CPD: variants seen among roughly 807,000 people sequenced by gnomAD.
The protein encoded by CPD is metallocarboxypeptidase D.
CPD carries 69 observed loss-of-function variants against 138.3 expected under a neutral mutation model. That is an observed-to-expected ratio of 0.50 (90% CI 0.41 to 0.61). The LOEUF is 0.61. Ranked by LOEUF, CPD falls within the 20% of genes least tolerant of loss-of-function variation. CPD has a pLI of 0.00. For synonymous variants in CPD, 651 were observed against 642.1 expected, an observed-to-expected ratio of 1.01 and a Z score of -0.21; for missense variants, 1,432 against 1,733.3, an observed-to-expected ratio of 0.83 and a Z score of 3.09.
At chr17:30,422,649 T>A (rs754930782) in intron 4 of CPD, 25 bp from the exon 5 acceptor site, 1 of 1,509,488 alleles carries the variant, frequency 6.6e-7, no homozygotes, top group Admixed American at 2.0e-5. Flanking sequence ...TATAAACCAT[T>A]TACTTTTTCA....
intron 17 of CPD, among the ~76,000 whole-genome samples, chr17:30,458,865 CA>C (rs60140816): frequency 0.87 from 116,530 of 134,006 alleles, 50,234 homozygotes; most frequent in African/African-American, 0.94. Flanking sequence ...GACCCTGTCT[CA>C]AAAAAAAAAA....
intron 2 of CPD, among the ~76,000 whole-genome samples, chr17:30,414,795 A>G (rs1912063184): frequency 6.6e-6 from 1 of 152,202 alleles, no homozygotes; most frequent in Non-Finnish European, 1.5e-5. Context: ...TGAAAGTGCC[A>G]TTAACTGCAG....
intron 2 of CPD, among the ~76,000 whole-genome samples, chr17:30,387,420 A>G (rs536987132): frequency 3.0e-4 from 45 of 152,324 alleles, no homozygotes; most frequent in Admixed American, 2.5e-3. Flanking sequence ...CCTGGCAAGA[A>G]TTGTTAATAC....
At chr17:30,415,896 C>T (rs1171321066) in intron 2 of CPD, among the ~76,000 whole-genome samples, 2 of 152,180 alleles carry the variant, frequency 1.3e-5, no homozygotes, top group Non-Finnish European at 2.9e-5. Flanking sequence ...AGACAAAATA[C>T]TGCATGATTT....
chr17:30,418,383 A>G (rs143352531), intron 2 of CPD, among the ~76,000 whole-genome samples: 1,908 of 151,950 alleles, frequency 0.013, 33 homozygotes, highest in African/African-American at 0.044. Context: ...GGGTTTTGCT[A>G]TGTTGCCTAG....
intron 8 of CPD, 130 bp from the exon 9 acceptor site, chr17:30,438,844 AC>A: frequency 1.9e-6 from 1 of 536,226 alleles, no homozygotes; most frequent in African/African-American, 2.0e-5. Flanking sequence ...TCATAGCCCC[AC>A]CCCACTCCCA....
At chr17:30,413,195 T>A (rs2143390117) in intron 2 of CPD, among the ~76,000 whole-genome samples, 1 of 152,294 alleles carries the variant, frequency 6.6e-6, no homozygotes, top group South Asian at 2.1e-4. Flanking sequence ...TGGAAAAGAT[T>A]TTCAATAAAT....
intron 2 of CPD, among the ~76,000 whole-genome samples, chr17:30,415,786 A>C (rs1026789543): frequency 2.0e-5 from 3 of 152,242 alleles, no homozygotes; most frequent in African/African-American, 7.2e-5. Flanking sequence ...TATATACAAA[A>C]AATGGAATCT....
intron 2 of CPD, among the ~76,000 whole-genome samples, chr17:30,399,182 G>C (rs1911585739): frequency 6.6e-6 from 1 of 151,972 alleles, no homozygotes; most frequent in South Asian, 2.1e-4. Context: ...AACACCCTTT[G>C]TATGTAAGTT....
In CPD at chr17:30,385,169, T is replaced by C; in HGVS notation, c.927T>C (p.Cys309=). 1 of 1,614,094 alleles carries C rather than the reference T, an allele frequency of 6.2e-7. No homozygotes were observed. The highest frequency in any genetic ancestry group is 1.1e-5 in the South Asian group (1 of 91,086). The stretch of plus-strand genomic sequence containing the variant: ...TAATGAAAACTGGTGAGCCTCATTG[T>C]CCAGGAGATGAAGACGAGACTTTCA... The part of the protein sequence containing the change: ...HPIMKTGEPH[C]PGDEDETFKD... The change falls in exon 2 of 21, where the codon TGT becomes TGC. Residue 309 remains cysteine (C), a synonymous_variant. Transcript: ENST00000225719.
At chr17:30,436,824 G>A (rs1912716324) in intron 8 of CPD, among the ~76,000 whole-genome samples, 1 of 152,186 alleles carries the variant, frequency 6.6e-6, no homozygotes, top group Admixed American at 6.5e-5. Context: ...ATGAATATTT[G>A]TAGCAGCATT....
At position 30,425,503 on chromosome 17, in the gene CPD, A is replaced by G. The variant is rs142597304; in HGVS notation, c.1849+1806A>G. 1.2e-4 allele frequency among the ~76,000 whole-genome samples: 18 copies of G among 152,128 alleles called. No individual in the cohort carries two copies. In the East Asian group the frequency reaches 3.5e-3, roughly 29 times the overall value. On this transcript the variant is annotated intron_variant, in intron 6 of 20. Transcript: ENST00000225719. ...AACCCTGTTTCTACTAAAAATACAA[A>G]AAATTAGCTGGACGTGGTGGTGCAC...
At chr17:30,430,887 A>C (rs959158244) in intron 7 of CPD, among the ~76,000 whole-genome samples, 1 of 152,154 alleles carries the variant, frequency 6.6e-6, no homozygotes. Flanking sequence ...TCTTGGGCTC[A>C]AGCAATCCAC....
rs953290639 is a variant in CPD, at chr17:30,431,921, T to C, written c.2127+40T>C. On this transcript the variant is annotated intron_variant, in intron 8 of 20. Transcript: ENST00000225719. ...GAATATAAAATGTTACAAAATTAAT[T>C]CTTTTATTTAAAAATATGCTTTAAA... 1.1e-5 allele frequency: 15 copies of C among 1,346,742 alleles called. No homozygotes were observed. In the South Asian group the frequency reaches 1.9e-4, roughly 17 times the overall value. 83.4% of individuals were successfully genotyped at this position (1,346,742 alleles called of 1,614,324 possible).
At chr17:30,394,759 T>G (rs1159028394) in intron 2 of CPD, among the ~76,000 whole-genome samples, 1 of 152,206 alleles carries the variant, frequency 6.6e-6, no homozygotes. Flanking sequence ...GACCATCGTT[T>G]AAATAGCAGA....
At chr17:30,460,260 G>A (rs902059116) in intron 17 of CPD, among the ~76,000 whole-genome samples, 1 of 152,204 alleles carries the variant, frequency 6.6e-6, no homozygotes, top group Non-Finnish European at 1.5e-5. Context: ...AGAAGTTTAA[G>A]AATGGAAAGA....
chr17:30,379,589 C>G lies in CPD; in HGVS notation c.609C>G (p.Ser203=). 1 of 1,453,658 alleles carries G rather than the reference C, an allele frequency of 6.9e-7. No homozygotes were observed. The highest frequency in any genetic ancestry group is 9.0e-7 in the Non-Finnish European group (1 of 1,113,622). The allele number at this position is 1,453,658 out of a possible 1,614,324, so 90.0% of individuals were successfully genotyped here. ...GTGGCTTCGGCGACGGCGGCCCGTCCGGGGCCAGCGGCCGCGACAATAGTC... is the reference window on the plus strand; with the variant it reads ...GTGGCTTCGGCGACGGCGGCCCGTCGGGGGCCAGCGGCCGCGACAATAGTC... ...GDCGFGDGGP[S]GASGRDNSRG... The change falls in exon 1 of 21, where the codon TCC becomes TCG. Residue 203 remains serine (S), a synonymous_variant. Transcript: ENST00000225719. This position sits in a 1 kb window ranked among gnomAD's most constrained non-coding sequence, Gnocchi z 7.0.
rs1247528959 is a variant in CPD at position 30,466,692 on chromosome 17, C to T, written c.*1878C>T. On this transcript the variant is annotated 3_prime_UTR_variant, in exon 21 of 21. Transcript: ENST00000225719. The stretch of plus-strand genomic sequence containing the variant: ...AACAAGGGGCCTAAGAGTGGCTGCC[C>T]CTGCTTGGGACATTACAGCAAGTGA... 1.3e-5 allele frequency: 2 copies of T among 152,510 alleles called. No individual in the cohort carries two copies. The highest frequency in any genetic ancestry group is 2.9e-5 in the Non-Finnish European group (2 of 68,004). 9.4% of individuals were successfully genotyped at this position (152,510 alleles called of 1,614,324 possible).
rs774290278 is a variant in CPD, at chr17:30,468,079, C to T, written c.*3265C>T. On this transcript the variant is annotated 3_prime_UTR_variant, in exon 21 of 21. Transcript: ENST00000225719. ...GATTTGGGTCTTTGATTAATGTCAG[C>T]TGAACTTGGATTTCTAGTTCATGAA... 1.3e-5 allele frequency: 2 copies of T among 152,218 alleles called. No homozygotes were observed. The highest frequency in any genetic ancestry group is 2.9e-5 in the Non-Finnish European group (2 of 67,992). The allele number at this position is 152,218 out of a possible 1,614,324, so 9.4% of individuals were successfully genotyped here.
Sources: allele counts gnomAD v4.1 joint callset (sites outside exome capture counted in the v4.1 genomes callset), GRCh38; gene constraint gnomAD v4.1.1; non-coding constraint Gnocchi (gnomAD v3.1); transcripts MANE v1.5; gene names NCBI Gene and HGNC (gene_info 2026-07-23, HGNC 2026-07-21).